Variants in ART3 observed in about 807,000 individuals in gnomAD.
ART3 encodes the protein ecto-ADP-ribosyltransferase 3.
A neutral mutation model predicts 48.5 loss-of-function variants in ART3; 49 were observed. The ratio of observed to expected loss-of-function variants is 1.01; its 90% CI spans 0.80 to 1.28. The LOEUF is 1.28. ART3 is among the 50% of genes most tolerant of loss of function. The pLI, the probability that ART3 is intolerant of heterozygous loss-of-function variation, is 0.00. For synonymous variants in ART3, 145 were observed against 157.2 expected, an observed-to-expected ratio of 0.92 and a Z score of 0.58; for missense variants, 438 against 454.3, an observed-to-expected ratio of 0.96 and a Z score of 0.33.
intron 2 of ART3, among the ~76,000 whole-genome samples, chr4:76,079,284 A>G (rs901193203): frequency 2.0e-5 from 3 of 152,042 alleles, no homozygotes; most frequent in African/African-American, 4.8e-5. Flanking sequence ...TGTTTGTTAA[A>G]CTTAGTGATA....
At chr4:76,102,306 T>G (rs1257122139) in intron 8 of ART3, among the ~76,000 whole-genome samples, 1 of 151,882 alleles carries the variant, frequency 6.6e-6, no homozygotes, top group African/African-American at 2.4e-5. Flanking sequence ...ATGGCCAATT[T>G]GGGAAATTCT....
At chr4:76,090,862 T>TG (rs1724728951) in intron 3 of ART3, among the ~76,000 whole-genome samples, 1 of 152,258 alleles carries the variant, frequency 6.6e-6, no homozygotes, top group Admixed American at 6.5e-5. Context: ...TTACATTTGT[T>TG]GCTTACAAAA....
At chr4:76,022,782 T>G (rs557248373) in intron 1 of ART3, 1 of 1,612,706 alleles carries the variant, frequency 6.2e-7, no homozygotes. Flanking sequence ...CTAATGCTGA[T>G]GCAGGTACAG....
At chr4:76,061,104 C>G (rs1335757464) in intron 1 of ART3, among the ~76,000 whole-genome samples, 1 of 152,192 alleles carries the variant, frequency 6.6e-6, no homozygotes, top group Non-Finnish European at 1.5e-5. Context: ...ACTATTGCAG[C>G]TAATGACTCT....
At chr4:76,066,130 C>T (rs1325436976) in intron 1 of ART3, among the ~76,000 whole-genome samples, 2 of 152,174 alleles carry the variant, frequency 1.3e-5, no homozygotes, top group Non-Finnish European at 1.5e-5. Context: ...TAGAAACACC[C>T]TAGTAATTTT....
intron 1 of ART3, chr4:76,012,157 G>GC (rs1301212863): frequency 1.3e-5 from 2 of 152,194 alleles, no homozygotes; most frequent in Non-Finnish European, 2.9e-5. Flanking sequence ...CACAAGTGTG[G>GC]CCCAGCCTCC....
intron 3 of ART3, among the ~76,000 whole-genome samples, chr4:76,097,314 C>T (rs1726227916): frequency 6.6e-6 from 1 of 152,112 alleles, no homozygotes; most frequent in Non-Finnish European, 1.5e-5. Context: ...AAGCGATCCT[C>T]CCACCTGACC....
rs575748955 is a variant in ART3, at chr4:76,069,075, A to G, written c.-9-6806A>G. 2.2e-4 allele frequency among the ~76,000 whole-genome samples: 33 copies of G among 152,340 alleles called. No individual in the cohort carries two copies. The East Asian group carries it at 5.6e-3, about 26-fold the overall frequency. On this transcript the variant is annotated intron_variant, in intron 1 of 9. Transcript: ENST00000341029. ...GTGTTATGCTAAGAAGTTAGTCATA[A>G]AAAATTACATACTGACTGTATGATA...
intron 1 of ART3, among the ~76,000 whole-genome samples, chr4:76,037,823 A>G (rs1435330876): frequency 2.6e-5 from 4 of 152,102 alleles, no homozygotes; most frequent in Admixed American, 2.6e-4. Flanking sequence ...CCTATTTCCT[A>G]GTTTTACCAA....
At chr4:76,054,978 T>G (rs1474524599) in intron 1 of ART3, among the ~76,000 whole-genome samples, 1 of 152,262 alleles carries the variant, frequency 6.6e-6, no homozygotes, top group African/African-American at 2.4e-5. Context: ...TCTTGTTATG[T>G]TGCTCAGGCT....
intron 1 of ART3, chr4:76,034,815 T>C (rs768099347): frequency 6.4e-7 from 1 of 1,555,242 alleles, no homozygotes; most frequent in Admixed American, 1.7e-5. Context: ...TCTTTCAACT[T>C]TCTGGAATAA....
Position 76,090,834 on chromosome 4 carries a change from A to G in ART3, c.782-6810A>G, listed in dbSNP as rs544816987. On this transcript the variant is annotated intron_variant, in intron 3 of 11. Transcript: ENST00000355810. Reference sequence around the variant, plus strand: ...ATATGCCAATGAAATCATCACTACAATCAAGACAATGAGCATTTTACATTT... The same window carrying G: ...ATATGCCAATGAAATCATCACTACAGTCAAGACAATGAGCATTTTACATTT... Among the ~76,000 whole-genome samples the G allele has an allele frequency of 6.6e-5, 10 of 152,334 alleles. No individual in the cohort carries two copies. The South Asian group carries it at 1.0e-3, about 16-fold the overall frequency.
At position 76,082,073 on chromosome 4, in the gene ART3, G is replaced by A; in HGVS notation, c.319G>A (p.Glu107Lys). The A allele has an allele frequency of 6.2e-7, 1 of 1,614,220 alleles. No individual in the cohort carries two copies. Among genetic ancestry groups the A allele is most frequent in the Non-Finnish European group, 8.5e-7 (1 of 1,180,048 alleles). Residue 107 changes from glutamate (E) to lysine (K), a missense_variant, in exon 3 of 12, where the codon GAG (glutamate) becomes AAG (lysine). Physicochemically the swap from Glu to Lys is moderately conservative, Grantham distance 56. Transcript: ENST00000355810. ...GATGGCATATATTTCCGAAGCTCAA[G>A]AGCAAACTCCCTTTTACCATCTGTT... ...ALMAYISEAQ[E>K]QTPFYHLFSE...
chr4:76,112,440 G>A lies in ART3; in HGVS notation c.1091G>A (p.Gly364Asp). 2 of 1,614,006 alleles carry A rather than the reference G, an allele frequency of 1.2e-6. No individual in the cohort carries two copies. The highest frequency in any genetic ancestry group is 1.1e-5 in the South Asian group (1 of 91,064). ...AAAAGCCATCCTTCTGCATCCTCGG[G>A]CAAACTGCTGCTTCCACAGTTTGGG... ...GPKSHPSASS[G>D]KLLLPQFGMV... The change falls in exon 12 of 12, where the codon GGC becomes GAC. Residue 364 changes from glycine to aspartate, a missense_variant. Physicochemically the swap from Gly to Asp is moderately conservative, Grantham distance 94. Coordinates refer to ENST00000355810, the MANE Select transcript of ART3 (RefSeq NM_001130016.3).
At chr4:76,087,536 A>G (rs1227307240) in intron 3 of ART3, among the ~76,000 whole-genome samples, 2 of 152,198 alleles carry the variant, frequency 1.3e-5, no homozygotes, top group Non-Finnish European at 2.9e-5. Context: ...GAGCCTTTGG[A>G]TTAAAAAAAG....
intron 1 of ART3, among the ~76,000 whole-genome samples, chr4:76,030,430 A>G (rs911282693): frequency 6.6e-6 from 1 of 152,074 alleles, no homozygotes; most frequent in African/African-American, 2.4e-5. Context: ...TTATATTTCT[A>G]CTCTTACCAA....
chr4:76,031,135 A>G (rs6846814), intron 1 of ART3, among the ~76,000 whole-genome samples: 92,491 of 151,700 alleles, frequency 0.61, 29,256 homozygotes, highest in East Asian at 0.94. Context: ...GTTTAGTATC[A>G]GTGAATTATT....
intron 1 of ART3, among the ~76,000 whole-genome samples, chr4:76,052,861 T>C (rs1314439043): frequency 1.3e-5 from 2 of 152,086 alleles, no homozygotes; most frequent in Non-Finnish European, 2.9e-5. Context: ...CCCAAGTTGC[T>C]AGGATTACAG....
chr4:76,088,476 C>G (rs1724104711), intron 3 of ART3, among the ~76,000 whole-genome samples: 1 of 152,208 alleles, frequency 6.6e-6, no homozygotes, highest in South Asian at 2.1e-4. Context: ...GTTGAGCCAG[C>G]TCTCTGCTAA....
Sources: allele counts gnomAD v4.1 joint callset (sites outside exome capture counted in the v4.1 genomes callset), GRCh38; gene constraint gnomAD v4.1.1; transcripts MANE v1.5; gene names NCBI Gene and HGNC (gene_info 2026-07-23, HGNC 2026-07-21).